LUZP2: variants seen among roughly 807,000 people sequenced by gnomAD.
LUZP2 encodes leucine zipper protein 2.
LUZP2 carries 52 observed loss-of-function variants against 51.6 expected under a neutral mutation model. The observed-to-expected ratio is 1.01, with a 90% CI of 0.81 to 1.27. The LOEUF (loss-of-function observed/expected upper bound fraction) is 1.27. LUZP2 is among the 50% of genes most tolerant of loss of function. The pLI, the probability that LUZP2 is intolerant of heterozygous loss-of-function variation, is 0.00. For synonymous variants in LUZP2, 154 were observed against 137.3 expected, an observed-to-expected ratio of 1.12 and a Z score of -0.85; for missense variants, 436 against 395.4, an observed-to-expected ratio of 1.10 and a Z score of -0.87.
chr11:24,974,423 G>T (rs971386936), intron 7 of LUZP2, among the ~76,000 whole-genome samples: 5 of 151,894 alleles, frequency 3.3e-5, no homozygotes, highest in African/African-American at 7.3e-5. Context: ...GGGGCATTTA[G>T]CCCATTTACA....
At chr11:24,896,566 C>G (rs1445984843) in intron 5 of LUZP2, among the ~76,000 whole-genome samples, 1 of 152,186 alleles carries the variant, frequency 6.6e-6, no homozygotes, top group East Asian at 1.9e-4. Flanking sequence ...CATGCCCCAG[C>G]CTCCTCACCC....
In LUZP2 at chr11:24,859,174, G is replaced by A. The variant is rs145874040; in HGVS notation, c.397-46817G>A. ...AGTATAGTACAACAATAGTTATATT[G>A]TCACATATGACTTATATTAAGTCAT... is the stretch of plus-strand genomic sequence containing the variant. On this transcript the variant is annotated intron_variant, in intron 5 of 11. Coordinates refer to ENST00000336930, the MANE Select transcript of LUZP2 (RefSeq NM_001009909.4). 7.0e-3 allele frequency among the ~76,000 whole-genome samples: 1,068 copies of A among 152,190 alleles called. 13 individuals carry two copies. The highest frequency in any genetic ancestry group is 0.024 in the African/African-American group (1,008 of 41,524).
intron 1 of LUZP2, among the ~76,000 whole-genome samples, chr11:24,658,449 T>A (rs2133976940): frequency 6.6e-6 from 1 of 152,298 alleles, no homozygotes; most frequent in South Asian, 2.1e-4. Flanking sequence ...GACTTAAATG[T>A]TAGACCTAAA....
rs114232833 is a variant in LUZP2 at position 25,052,026 on chromosome 11, G to A, written c.858+1896G>A. On this transcript the variant is annotated intron_variant, in intron 10 of 11. Coordinates refer to ENST00000336930, the MANE Select transcript of LUZP2 (RefSeq NM_001009909.4). ...CAGATACTATCTGTTTCTGGTCTCA[G>A]TCTGGACCTGGGGCTCTTCAAAAAG... is the stretch of plus-strand genomic sequence containing the variant. 8.3e-3 allele frequency among the ~76,000 whole-genome samples: 1,268 copies of A among 152,174 alleles called. 15 individuals are homozygous for A. The highest frequency in any genetic ancestry group is 0.021 in the African/African-American group (884 of 41,500).
intron 7 of LUZP2, among the ~76,000 whole-genome samples, chr11:24,969,607 A>G (rs546998439): frequency 6.6e-6 from 1 of 152,320 alleles, no homozygotes; most frequent in South Asian, 2.1e-4. Flanking sequence ...GATGAAGAAG[A>G]GACAGCTTTT....
intron 5 of LUZP2, among the ~76,000 whole-genome samples, chr11:24,882,425 A>C (rs1852501794): frequency 6.6e-6 from 1 of 152,020 alleles, no homozygotes; most frequent in Non-Finnish European, 1.5e-5. Flanking sequence ...TATTACAATC[A>C]ATAAACCAAC....
intron 1 of LUZP2, among the ~76,000 whole-genome samples, chr11:24,674,452 C>T (rs1015898611): frequency 9.2e-5 from 14 of 152,096 alleles, no homozygotes; most frequent in African/African-American, 3.4e-4. Context: ...TGGGAATCAC[C>T]AGGAGAATAA....
intron 1 of LUZP2, among the ~76,000 whole-genome samples, chr11:24,688,483 T>C (rs1471503237): frequency 1.3e-5 from 2 of 152,158 alleles, no homozygotes; most frequent in African/African-American, 2.4e-5. Flanking sequence ...AAGTAGACAT[T>C]TGAGATTTTT....
At chr11:24,966,823 A>C (rs1291693957) in intron 7 of LUZP2, among the ~76,000 whole-genome samples, 1 of 147,608 alleles carries the variant, frequency 6.8e-6, no homozygotes, top group Non-Finnish European at 1.5e-5. Flanking sequence ...TAATGTAAAA[A>C]TATATATGTA....
chr11:24,972,558 T>G (rs1855771903), intron 7 of LUZP2, among the ~76,000 whole-genome samples: 1 of 152,190 alleles, frequency 6.6e-6, no homozygotes, highest in Non-Finnish European at 1.5e-5. Context: ...GCTGTCTCTC[T>G]ATAGTGAAAG....
chr11:25,020,330 A>G lies in LUZP2; in HGVS notation c.766-29708A>G, dbSNP rs562304565. Among the ~76,000 whole-genome samples, 18 of 152,086 alleles carry G rather than the reference A, an allele frequency of 1.2e-4. 1 individual carries two copies. The highest frequency in any genetic ancestry group is 4.3e-4 in the African/African-American group (18 of 41,524). On this transcript the variant is annotated intron_variant, in intron 9 of 11. Transcript: ENST00000336930. ...TAAGAAAGACCATCTTCCATTTGTG[A>G]TTTACTAATAAATTGTGATAATTAA...
chr11:25,005,388 C>T (rs1856805062), intron 9 of LUZP2, among the ~76,000 whole-genome samples: 1 of 152,156 alleles, frequency 6.6e-6, no homozygotes, highest in African/African-American at 2.4e-5. Flanking sequence ...TTCCCTCTTA[C>T]AGAAAAGGTC....
At chr11:24,786,574 T>C in intron 5 of LUZP2, 1 of 301,262 alleles carries the variant, frequency 3.3e-6, no homozygotes, top group Non-Finnish European at 4.7e-6. Flanking sequence ...TTATATAATA[T>C]ATAAAATATA....
chr11:24,909,828 G>A (rs1369879066), intron 6 of LUZP2, among the ~76,000 whole-genome samples: 1 of 152,108 alleles, frequency 6.6e-6, no homozygotes, highest in Non-Finnish European at 1.5e-5. Context: ...CACAGGGAAT[G>A]GGGTGCTGCT....
intron 5 of LUZP2, 117 bp downstream of exon 5, chr11:24,763,425 A>G: frequency 2.4e-6 from 1 of 409,648 alleles, no homozygotes. Context: ...ATTTTCAGTT[A>G]TAAACTAATG....
intron 6 of LUZP2, among the ~76,000 whole-genome samples, chr11:24,913,210 G>T (rs1853693288): frequency 6.6e-6 from 1 of 152,110 alleles, no homozygotes; most frequent in Admixed American, 6.5e-5. Flanking sequence ...CTACTAAACT[G>T]ATTTCTGTCC....
At chr11:24,872,239 A>C (rs551719583) in intron 5 of LUZP2, among the ~76,000 whole-genome samples, 1 of 151,864 alleles carries the variant, frequency 6.6e-6, no homozygotes, top group South Asian at 2.1e-4. Flanking sequence ...CTGCAAATTC[A>C]CCTTATATAC....
intron 5 of LUZP2, 141 bp from the exon 6 acceptor site, chr11:24,905,850 C>T (rs1853435541): frequency 2.1e-6 from 1 of 476,118 alleles, no homozygotes; most frequent in Admixed American, 3.8e-5. Context: ...AGATTTGATT[C>T]AGTTTTACAC....
chr11:24,983,018 T>G (rs948630300), intron 8 of LUZP2, 108 bp from the exon 9 acceptor site: 34 of 995,722 alleles, frequency 3.4e-5, no homozygotes, highest in Admixed American at 7.4e-5. Flanking sequence ...ATTTGAAAAG[T>G]GATATGTATT....
Sources: allele counts gnomAD v4.1 joint callset (sites outside exome capture counted in the v4.1 genomes callset), GRCh38; gene constraint gnomAD v4.1.1; transcripts MANE v1.5; gene names NCBI Gene and HGNC (gene_info 2026-07-23, HGNC 2026-07-21).